Variants in AKAP7 observed in about 807,000 individuals in gnomAD.
AKAP7 encodes the protein A kinase (PRKA) anchor protein 7.
In AKAP7, 39 loss-of-function variants were observed where a neutral mutation model predicts 39.5. That is an observed-to-expected ratio of 0.99 (90% CI 0.76 to 1.29). The LOEUF (loss-of-function observed/expected upper bound fraction) is 1.29. AKAP7 is among the 50% of genes most tolerant of loss of function. The pLI is 0.00. For synonymous variants in AKAP7, 140 were observed against 139.1 expected, an observed-to-expected ratio of 1.01 and a Z score of -0.05; for missense variants, 414 against 407.7, an observed-to-expected ratio of 1.02 and a Z score of -0.13.
chr6:131,247,500 A>G (rs1812129358), intron 7 of AKAP7, among the ~76,000 whole-genome samples: 1 of 150,202 alleles, frequency 6.7e-6, no homozygotes, highest in South Asian at 2.1e-4. Flanking sequence ...TAATTTTTGT[A>G]TTTTTAATAG....
chr6:131,187,858 T>C (rs1216281000), intron 5 of AKAP7, among the ~76,000 whole-genome samples: 1 of 152,196 alleles, frequency 6.6e-6, no homozygotes, highest in Admixed American at 6.5e-5. Context: ...CTAAGGGTGA[T>C]GTACCAGAAC....
intron 7 of AKAP7, among the ~76,000 whole-genome samples, chr6:131,261,717 C>T (rs1813355575): frequency 6.6e-6 from 1 of 152,112 alleles, no homozygotes; most frequent in South Asian, 2.1e-4. Flanking sequence ...ACTTCAAGCT[C>T]ATAGCTGTTC....
chr6:131,139,644 T>G (rs547734284), intron 1 of AKAP7, among the ~76,000 whole-genome samples: 1 of 152,316 alleles, frequency 6.6e-6, no homozygotes, highest in African/African-American at 2.4e-5. Context: ...TACTAACCAC[T>G]CTCAAATGTG....
intron 1 of AKAP7, among the ~76,000 whole-genome samples, chr6:131,138,209 A>G (rs1331196504): frequency 6.6e-6 from 1 of 152,190 alleles, no homozygotes; most frequent in Non-Finnish European, 1.5e-5. Flanking sequence ...ATAAGTGAGA[A>G]CATAGAAAGT....
In AKAP7 at chr6:131,281,492, T is replaced by G; in HGVS notation, c.851-38T>G. The G allele has an allele frequency of 6.6e-7, 1 of 1,504,090 alleles. No homozygotes were observed. Among genetic ancestry groups the G allele is most frequent in the East Asian group, 2.4e-5 (1 of 41,440 alleles). The allele number at this position is 1,504,090 out of a possible 1,614,324, so 93.2% of individuals were successfully genotyped here. A position where few individuals can be genotyped will look rare whatever the true frequency, so the allele number is the denominator to read the frequency against. On this transcript the variant is annotated intron_variant, in intron 7 of 7. Coordinates refer to ENST00000431975, the MANE Select transcript of AKAP7 (RefSeq NM_016377.4). The surrounding 1 kb of genome is among the most constrained non-coding windows in gnomAD (Gnocchi z 4.0). ...TGCATGCCAAGTTTCTATGGCAATG[T>G]GATCTCAGTGACCTCTCTTCTCTAT...
chr6:131,245,586 G>A (rs1263959420), intron 7 of AKAP7, among the ~76,000 whole-genome samples: 1 of 151,982 alleles, frequency 6.6e-6, no homozygotes. Flanking sequence ...CATAAAAATT[G>A]GAATGTATTC....
chr6:131,155,812 G>A (rs1300276822), intron 2 of AKAP7, among the ~76,000 whole-genome samples: 1 of 151,970 alleles, frequency 6.6e-6, no homozygotes, highest in Non-Finnish European at 1.5e-5. Context: ...ATTCTATTTG[G>A]TGCCCAAATT....
chr6:131,197,944 A>G (rs1807113219), intron 5 of AKAP7, among the ~76,000 whole-genome samples: 1 of 152,172 alleles, frequency 6.6e-6, no homozygotes, highest in African/African-American at 2.4e-5. Flanking sequence ...GGTGGTGAGG[A>G]TGTGGAGGTT....
intron 5 of AKAP7, among the ~76,000 whole-genome samples, chr6:131,193,941 T>C (rs1806664817): frequency 6.6e-6 from 1 of 152,092 alleles, no homozygotes; most frequent in Non-Finnish European, 1.5e-5. Flanking sequence ...CTTCTATCTT[T>C]GTTCTTAGTC....
At chr6:131,250,241 G>C in intron 7 of AKAP7, 2 of 1,071,728 alleles carry the variant, frequency 1.9e-6, no homozygotes, top group Non-Finnish European at 2.3e-6. Flanking sequence ...CAAATAGCCA[G>C]ACAGAACACA....
At chr6:131,264,777 G>A (rs1813645793) in intron 7 of AKAP7, among the ~76,000 whole-genome samples, 1 of 152,186 alleles carries the variant, frequency 6.6e-6, no homozygotes, top group African/African-American at 2.4e-5. Flanking sequence ...GCTAGCATCT[G>A]CTTCTGGTGA....
chr6:131,154,026 A>G (rs935434284), intron 2 of AKAP7, among the ~76,000 whole-genome samples: 1 of 152,156 alleles, frequency 6.6e-6, no homozygotes, highest in African/African-American at 2.4e-5. Flanking sequence ...CCTGGCCAAT[A>G]TGGTGAAAAC....
chr6:131,230,019 T>C (rs1810506791), intron 7 of AKAP7, among the ~76,000 whole-genome samples: 1 of 152,230 alleles, frequency 6.6e-6, no homozygotes, highest in Non-Finnish European at 1.5e-5. Flanking sequence ...TGATTCCATG[T>C]CTTTGCTATT....
At chr6:131,125,845 A>G in the AKAP7 span, among the ~76,000 whole-genome samples, 1 of 152,194 alleles carries the variant, frequency 6.6e-6, no homozygotes, top group South Asian at 2.1e-4. Context: ...AAGTATATTA[A>G]TGTATGCTGC....
At position 131,179,899 on chromosome 6, in the gene AKAP7, T is replaced by A. The variant is rs554993910; in HGVS notation, c.589+10626T>A. ...AATAAATAAATAAATAAATAAATAA[T>A]AAATAAATAAATAAGTTGTTAATAA... On this transcript the variant is annotated intron_variant, in intron 5 of 7. Transcript: ENST00000431975. Among the ~76,000 whole-genome samples the A allele has an allele frequency of 4.8e-3, 731 of 151,156 alleles. 8 individuals carry two copies. The highest frequency in any genetic ancestry group is 0.017 in the African/African-American group (689 of 41,178).
intron 5 of AKAP7, among the ~76,000 whole-genome samples, chr6:131,190,470 C>T (rs1264206603): frequency 6.6e-6 from 1 of 151,788 alleles, no homozygotes; most frequent in Non-Finnish European, 1.5e-5. Context: ...TGACAAAACC[C>T]ATAACTACTA....
intron 6 of AKAP7, among the ~76,000 whole-genome samples, chr6:131,216,659 T>C (rs1203681452): frequency 1.3e-5 from 2 of 152,238 alleles, no homozygotes; most frequent in African/African-American, 4.8e-5. Flanking sequence ...CTTGAAAACT[T>C]TTTTCTGTTT....
At chr6:131,210,705 A>G (rs1457410244) in intron 6 of AKAP7, among the ~76,000 whole-genome samples, 1 of 152,140 alleles carries the variant, frequency 6.6e-6, no homozygotes, top group Non-Finnish European at 1.5e-5. Context: ...TTTCACAGTA[A>G]TTTCCGGTTT....
At chr6:131,240,325 G>A (rs1056030505) in intron 7 of AKAP7, among the ~76,000 whole-genome samples, 2 of 152,222 alleles carry the variant, frequency 1.3e-5, no homozygotes, top group African/African-American at 2.4e-5. Flanking sequence ...CTACTGGGGG[G>A]TGTCTCCCAG....
Sources: allele counts gnomAD v4.1 joint callset (sites outside exome capture counted in the v4.1 genomes callset), GRCh38; gene constraint gnomAD v4.1.1; non-coding constraint Gnocchi (gnomAD v3.1); transcripts MANE v1.5; gene names NCBI Gene and HGNC (gene_info 2026-07-23, HGNC 2026-07-21).